Variants in SMC5 observed in about 807,000 individuals in gnomAD.
The protein encoded by SMC5 is structural maintenance of chromosomes protein 5.
SMC5 carries 88 observed loss-of-function variants against 148.3 expected under a neutral mutation model. That is an observed-to-expected ratio of 0.59 (90% CI 0.50 to 0.71). The LOEUF is 0.71. SMC5 is among the 30% of genes least tolerant of loss of function. SMC5 has a pLI of 0.00. For synonymous variants in SMC5, 421 were observed against 432.8 expected (o/e 0.97, Z 0.34); for missense variants, 1,142 against 1,298.9 (o/e 0.88, Z 1.86).
Position 70,259,161 on chromosome 9 carries a change from T to C in SMC5, c.83T>C (p.Val28Ala), listed in dbSNP as rs143533000. Residue 28 changes from valine (V) to alanine (A), a missense_variant, in exon 1 of 25, where the codon GTC (valine) becomes GCC (alanine). This residue lies in a region of SMC5 where 297 missense variants were observed against 302.6 expected (regional missense o/e 0.98). Coordinates refer to ENST00000361138, the MANE Select transcript of SMC5 (RefSeq NM_015110.4). ...RALPRDPSSE[V>A]PSKRKNSAPQ... ...CTCCCGAGAGACCCTTCGTCGGAGGTCCCGAGCAAGAGGAAGAATTCGGCC... is the reference window on the plus strand; with the variant it reads ...CTCCCGAGAGACCCTTCGTCGGAGGCCCCGAGCAAGAGGAAGAATTCGGCC... The C allele has an allele frequency of 6.2e-6, 10 of 1,611,828 alleles. No homozygotes were observed. In the African/African-American group the frequency reaches 1.3e-4, roughly 22 times the overall value.
intron 3 of SMC5, among the ~76,000 whole-genome samples, chr9:70,271,272 AT>A (rs943105115): frequency 2.0e-5 from 3 of 152,192 alleles, no homozygotes; most frequent in African/African-American, 7.2e-5. Flanking sequence ...AAAAAAGTTA[AT>A]TTTTTAAAGA....
intron 1 of SMC5, among the ~76,000 whole-genome samples, chr9:70,263,209 T>C (rs537281114): frequency 4.8e-4 from 73 of 152,304 alleles, no homozygotes; most frequent in African/African-American, 1.6e-3. Context: ...CAAACTAGTT[T>C]TATTGTAACC....
At chr9:70,327,071 G>T (rs1170985773) in intron 17 of SMC5, among the ~76,000 whole-genome samples, 1 of 152,082 alleles carries the variant, frequency 6.6e-6, no homozygotes, top group African/African-American at 2.4e-5. Flanking sequence ...ATATCGGAAT[G>T]AACTCACAAT....
chr9:70,312,441 A>G (rs1017075657), intron 11 of SMC5, among the ~76,000 whole-genome samples: 15 of 152,198 alleles, frequency 9.9e-5, no homozygotes, highest in Admixed American at 5.9e-4. Context: ...GTACTTTGGA[A>G]TGAGATTTGG....
In SMC5 at chr9:70,278,759, G is replaced by A. The variant is rs200383805; in HGVS notation, c.678+134G>A. On this transcript the variant is annotated intron_variant, in intron 5 of 24. Coordinates refer to ENST00000361138, the MANE Select transcript of SMC5 (RefSeq NM_015110.4). ...ATTTTTTTTCACTTAGGATTGTACT[G>A]CTAATATCAGTTAAAGTGACAGAGT... 13 of 762,586 alleles carry A rather than the reference G, an allele frequency of 1.7e-5. No individual in the cohort carries two copies. The East Asian group carries it at 4.0e-4, about 23-fold the overall frequency. 47.2% of individuals were successfully genotyped at this position (762,586 alleles called of 1,614,324 possible).
In SMC5 at chr9:70,261,050, A is replaced by G. The variant is rs74774315; in HGVS notation, c.185+1787A>G. Among the ~76,000 whole-genome samples the G allele has an allele frequency of 7.1e-3, 1,083 of 152,330 alleles. 9 individuals are homozygous for G. The highest frequency in any genetic ancestry group is 0.011 in the Non-Finnish European group (733 of 68,022). ...CACTGCACCCGCCTAAGAAGATAGG[A>G]AAGTCTTGCAAGAAGTGAAGAGCAT... is the stretch of plus-strand genomic sequence containing the variant. On this transcript the variant is annotated intron_variant, in intron 1 of 24. Transcript: ENST00000361138.
chr9:70,342,581 G>C (rs930893515), intron 17 of SMC5, among the ~76,000 whole-genome samples: 1 of 152,056 alleles, frequency 6.6e-6, no homozygotes, highest in African/African-American at 2.4e-5. Flanking sequence ...AAATCTGCTA[G>C]TTCCGTAACC....
rs543656903 is a variant in SMC5 at position 70,260,669 on chromosome 9, C to T, written c.185+1406C>T. Among the ~76,000 whole-genome samples the T allele has an allele frequency of 5.1e-4, 78 of 152,188 alleles. 2 individuals carry two copies. The highest frequency in any genetic ancestry group is 1.7e-3 in the African/African-American group (69 of 41,518). On this transcript the variant is annotated intron_variant, in intron 1 of 24. Coordinates refer to ENST00000361138, the MANE Select transcript of SMC5 (RefSeq NM_015110.4). ...TAAATGTAATCAAATGAGTTAGATACCATAACAACATATATCAGGATCCTT... is the reference window on the plus strand; with the variant it reads ...TAAATGTAATCAAATGAGTTAGATATCATAACAACATATATCAGGATCCTT...
At chr9:70,322,297 A>C (rs2035968413) in intron 15 of SMC5, among the ~76,000 whole-genome samples, 1 of 152,142 alleles carries the variant, frequency 6.6e-6, no homozygotes, top group Admixed American at 6.5e-5. Flanking sequence ...TTATTGCGCA[A>C]TTGCTGTATT....
At chr9:70,305,220 T>C in intron 10 of SMC5, 27 bp from the exon 11 acceptor site, 1 of 1,054,492 alleles carries the variant, frequency 9.5e-7, no homozygotes, top group Non-Finnish European at 1.4e-6. Context: ...TTCATGAAAT[T>C]CGACCTTTTT....
intron 1 of SMC5, among the ~76,000 whole-genome samples, chr9:70,260,102 G>A (rs567088677): frequency 6.6e-6 from 1 of 151,836 alleles, no homozygotes; most frequent in African/African-American, 2.4e-5. Flanking sequence ...GCGCCACCAC[G>A]CCCGGCTAGT....
Position 70,318,495 on chromosome 9 carries a change from T to C in SMC5, c.1807-19T>C. On this transcript the variant is annotated intron_variant, in intron 13 of 24. Transcript: ENST00000361138. The stretch of plus-strand genomic sequence containing the variant: ...ATAATTTATATTAGATGTGCACTAA[T>C]AGTTGTTTTACGTTATAGGTAATAC... 2 of 1,534,232 alleles carry C rather than the reference T, an allele frequency of 1.3e-6. No individual in the cohort carries two copies. The highest frequency in any genetic ancestry group is 1.8e-6 in the Non-Finnish European group (2 of 1,136,000).
At chr9:70,276,613 A>G (rs1278654850) in intron 3 of SMC5, among the ~76,000 whole-genome samples, 1 of 152,192 alleles carries the variant, frequency 6.6e-6, no homozygotes, top group Non-Finnish European at 1.5e-5. Flanking sequence ...TATTATTGTC[A>G]TTTAGTGATT....
intron 16 of SMC5, 49 bp downstream of exon 16, chr9:70,323,655 A>T: frequency 6.4e-7 from 1 of 1,558,006 alleles, no homozygotes. Flanking sequence ...AATAGCGGGC[A>T]GATAAGATAG....
chr9:70,330,095 A>G (rs2036181766), intron 17 of SMC5, among the ~76,000 whole-genome samples: 1 of 152,198 alleles, frequency 6.6e-6, no homozygotes, highest in Non-Finnish European at 1.5e-5. Context: ...ACGGTTCAAC[A>G]TGAAATTTGG....
intron 22 of SMC5, among the ~76,000 whole-genome samples, chr9:70,349,618 T>G (rs1246249768): frequency 2.6e-5 from 4 of 152,204 alleles, no homozygotes; most frequent in Admixed American, 2.6e-4. Flanking sequence ...TTTTCCTTCT[T>G]AACCGACTGA....
At chr9:70,330,823 G>A (rs2036199551) in intron 17 of SMC5, among the ~76,000 whole-genome samples, 1 of 152,014 alleles carries the variant, frequency 6.6e-6, no homozygotes, top group Non-Finnish European at 1.5e-5. Flanking sequence ...GTTTATAGGT[G>A]TGAGCCACCA....
At chr9:70,346,856 C>T (rs895023666) in intron 19 of SMC5, among the ~76,000 whole-genome samples, 7 of 152,280 alleles carry the variant, frequency 4.6e-5, no homozygotes, top group Admixed American at 3.9e-4. Flanking sequence ...CAATACATTG[C>T]CTTAAAGTGT....
intron 8 of SMC5, among the ~76,000 whole-genome samples, chr9:70,292,830 T>C (rs2035099327): frequency 6.6e-6 from 1 of 152,144 alleles, no homozygotes; most frequent in Admixed American, 6.5e-5. Flanking sequence ...ACCAAATCAA[T>C]TTTGCATCCG....
Sources: gnomAD v4.1 joint callset for allele counts (sites outside exome capture counted in the v4.1 genomes callset) on GRCh38, gnomAD v4.1.1 for gene constraint, gnomAD v4.1.1 regional missense constraint, MANE v1.5 for transcripts, NCBI Gene and HGNC (gene_info 2026-07-23, HGNC 2026-07-21) for gene names.